RANBP2: variants seen among roughly 807,000 people sequenced by gnomAD.
The protein encoded by RANBP2 is E3 SUMO-protein ligase RanBP2.
RANBP2 carries 57 observed loss-of-function variants against 303.6 expected under a neutral mutation model. The ratio of observed to expected loss-of-function variants is 0.19; its 90% confidence interval spans 0.15 to 0.23. RANBP2 has a LOEUF of 0.23. RANBP2 is among the 10% of genes least tolerant of loss of function. RANBP2 has a pLI of 1.00. For missense variants in RANBP2, 3,138 were observed against 3,780.8 expected (o/e 0.83, Z 4.46); for synonymous variants, 1,167 against 1,301.5 (o/e 0.90, Z 2.23).
the RANBP2 span, among the ~76,000 whole-genome samples, chr2:109,293,043 A>G: frequency 6.6e-5 from 10 of 152,146 alleles, no homozygotes; most frequent in Non-Finnish European, 1.2e-4. Context: ...TGACATTTAA[A>G]TGGCATCTGT....
At chr2:109,364,279 C>T in the RANBP2 span, among the ~76,000 whole-genome samples, 24 of 151,924 alleles carry the variant, frequency 1.6e-4, no homozygotes, top group Non-Finnish European at 3.4e-4. Context: ...ATAAGCACGT[C>T]GAAGGCATTC....
chr2:108,794,482 G>T, the RANBP2 span: 1 of 1,460,140 alleles, frequency 6.8e-7, no homozygotes, highest in East Asian at 2.3e-5. Flanking sequence ...GTTACTCTGA[G>T]AATATTTGAA....
chr2:109,187,961 G>T, the RANBP2 span, among the ~76,000 whole-genome samples: 2 of 152,186 alleles, frequency 1.3e-5, no homozygotes. Context: ...GTCTTTGGAG[G>T]GCGGTAGGGA....
the RANBP2 span, among the ~76,000 whole-genome samples, chr2:109,116,705 C>G: frequency 9.2e-5 from 14 of 152,240 alleles, no homozygotes; most frequent in Non-Finnish European, 1.8e-4. Context: ...AGGAGAGGTG[C>G]TCTGCTTTTC....
the RANBP2 span, chr2:108,930,991 C>T: frequency 1.7e-5 from 28 of 1,613,870 alleles, no homozygotes; most frequent in African/African-American, 4.0e-5. Context: ...AGGGCGTCTG[C>T]GTGCAGTCCC....
chr2:108,733,186 A>G (rs1264476018), intron 4 of RANBP2, among the ~76,000 whole-genome samples: 1 of 150,068 alleles, frequency 6.7e-6, no homozygotes, highest in Non-Finnish European at 1.5e-5. Context: ...GATCCATATT[A>G]AGTTTTGTAT....
At chr2:109,452,684 G>A in the RANBP2 span, among the ~76,000 whole-genome samples, 1 of 152,248 alleles carries the variant, frequency 6.6e-6, no homozygotes, top group Admixed American at 6.5e-5. Context: ...TGTGGTGTCA[G>A]TGGCTATGGT....
the RANBP2 span, among the ~76,000 whole-genome samples, chr2:108,867,366 G>GA: frequency 3.3e-5 from 5 of 151,834 alleles, no homozygotes; most frequent in Non-Finnish European, 7.4e-5. Flanking sequence ...AAGCTAGAAG[G>GA]AAAAAAATAA....
chr2:108,825,036 T>C, the RANBP2 span, among the ~76,000 whole-genome samples: 1 of 152,192 alleles, frequency 6.6e-6, no homozygotes, highest in Non-Finnish European at 1.5e-5. Flanking sequence ...GTACACAGAA[T>C]TACCTGTAAA....
At chr2:108,761,869 T>G (rs1040749666) in intron 18 of RANBP2, among the ~76,000 whole-genome samples, 4 of 152,232 alleles carry the variant, frequency 2.6e-5, no homozygotes, top group African/African-American at 7.2e-5. Flanking sequence ...TTGTTCTTGT[T>G]GATCACAGCA....
the RANBP2 span, among the ~76,000 whole-genome samples, chr2:108,946,768 C>A: frequency 6.6e-6 from 1 of 152,136 alleles, no homozygotes; most frequent in Admixed American, 6.5e-5. Flanking sequence ...TGGGGGAAAG[C>A]GCCCCATGAT....
chr2:109,058,994 C>T, the RANBP2 span, among the ~76,000 whole-genome samples: 1 of 152,090 alleles, frequency 6.6e-6, no homozygotes, highest in African/African-American at 2.4e-5. Flanking sequence ...GGCCTGTGCA[C>T]AGCCAGAGAT....
chr2:108,779,713 G>C (rs1437558098), intron 25 of RANBP2, among the ~76,000 whole-genome samples: 1 of 152,166 alleles, frequency 6.6e-6, no homozygotes, highest in Admixed American at 6.5e-5. Context: ...GTATGGGATG[G>C]AGAAGTTTCT....
At position 108,764,640 on chromosome 2, in the gene RANBP2, A is replaced by G. The variant is rs768154380; in HGVS notation, c.4101A>G (p.Ser1367=). 6.2e-7 allele frequency: 1 copy of G among 1,614,102 alleles called. No individual in the cohort carries two copies. Among genetic ancestry groups the G allele is most frequent in the Admixed American group, 1.7e-5 (1 of 60,018 alleles). The stretch of plus-strand genomic sequence containing the variant: ...ACAGCTGCTCATTAAAGAATGCTTC[A>G]ACTGCTAAGAAATGTGTATCATGCC... ...HCNSCSLKNA[S]TAKKCVSCQN... The change falls in exon 20 of 29, where the codon TCA becomes TCG. Residue 1367 remains serine (S), a synonymous_variant. Transcript: ENST00000283195.
At chr2:109,356,455 C>T in the RANBP2 span, among the ~76,000 whole-genome samples, 1 of 152,224 alleles carries the variant, frequency 6.6e-6, no homozygotes, top group Admixed American at 6.5e-5. Flanking sequence ...TAGCACGACA[C>T]TCGACATGCT....
chr2:109,140,478 T>A, the RANBP2 span, among the ~76,000 whole-genome samples: 1 of 152,102 alleles, frequency 6.6e-6, no homozygotes, highest in Non-Finnish European at 1.5e-5. Flanking sequence ...CCTCCCAGGT[T>A]CACACCATTC....
At chr2:109,197,124 G>A in the RANBP2 span, among the ~76,000 whole-genome samples, 1 of 152,220 alleles carries the variant, frequency 6.6e-6, no homozygotes. Flanking sequence ...CAGAGGTTGG[G>A]TTTGAACCTG....
downstream of RANBP2, among the ~76,000 whole-genome samples, chr2:108,788,588 C>T (rs377070038): frequency 1.3e-4 from 20 of 151,852 alleles, no homozygotes; most frequent in East Asian, 2.3e-3. Flanking sequence ...GGTGTGGTGG[C>T]GGGCTCCTGT....
chr2:108,957,620 T>C, the RANBP2 span, among the ~76,000 whole-genome samples: 4 of 152,144 alleles, frequency 2.6e-5, no homozygotes, highest in Admixed American at 1.3e-4. Flanking sequence ...GGGTTAAGAG[T>C]AGGTGCCTCC....
Sources: allele counts gnomAD v4.1 joint callset (sites outside exome capture counted in the v4.1 genomes callset), GRCh38; gene constraint gnomAD v4.1.1; transcripts MANE v1.5; gene names NCBI Gene and HGNC (gene_info 2026-07-23, HGNC 2026-07-21).